Variants in PCDHA9 observed in about 807,000 individuals in gnomAD.
PCDHA9 encodes protocadherin alpha 9, also known as protocadherin alpha-9.
A neutral mutation model predicts 62.0 loss-of-function variants in PCDHA9; 62 were observed. The observed-to-expected ratio is 1.00, with a 90% CI of 0.81 to 1.23. The LOEUF is 1.23. Ranked by LOEUF, PCDHA9 falls within the 50% of genes most tolerant of loss-of-function variation. The pLI is 0.00. For synonymous variants in PCDHA9, 557 were observed against 567.6 expected (o/e 0.98, Z 0.27); for missense variants, 1,205 against 1,249.8 (o/e 0.96, Z 0.54).
intron 1 of PCDHA9, chr5:140,863,395 G>A: frequency 1.1e-6 from 1 of 921,404 alleles, no homozygotes; most frequent in Non-Finnish European, 1.7e-6. Flanking sequence ...GTGCATGCCG[G>A]GCAAGCCCAC....
intron 1 of PCDHA9, 119 bp from the exon 2 acceptor site, chr5:140,978,830 C>A: frequency 1.3e-6 from 2 of 1,535,340 alleles, no homozygotes; most frequent in Non-Finnish European, 1.8e-6. Context: ...TGAAATGGCT[C>A]ATTCAATACT....
At chr5:140,908,529 T>C (rs1250814293) in intron 1 of PCDHA9, among the ~76,000 whole-genome samples, 1 of 152,178 alleles carries the variant, frequency 6.6e-6, no homozygotes, top group Non-Finnish European at 1.5e-5. Flanking sequence ...AAATGTTCAG[T>C]TTCCACCAAA....
intron 1 of PCDHA9, chr5:140,882,487 C>G: frequency 6.2e-7 from 1 of 1,614,054 alleles, no homozygotes; most frequent in Non-Finnish European, 8.5e-7. Flanking sequence ...GACACGGGGA[C>G]CTTCTGGAGG....
chr5:140,928,860 G>T, intron 1 of PCDHA9: 8 of 1,614,154 alleles, frequency 5.0e-6, no homozygotes, highest in Non-Finnish European at 6.8e-6. Flanking sequence ...GTGTGCTGTT[G>T]AGCAACTCTG....
At chr5:140,873,835 A>G (rs917455135) in intron 1 of PCDHA9, among the ~76,000 whole-genome samples, 3 of 151,964 alleles carry the variant, frequency 2.0e-5, no homozygotes, top group Admixed American at 6.6e-5. Flanking sequence ...TAATTTTTGT[A>G]TTTTTAGTAG....
At chr5:140,998,548 T>A (rs904925148) in intron 3 of PCDHA9, among the ~76,000 whole-genome samples, 7 of 149,880 alleles carry the variant, frequency 4.7e-5, no homozygotes, top group African/African-American at 1.7e-4. Context: ...CCTAATTTAA[T>A]GTCTAATTTA....
chr5:140,892,658 A>G (rs1202553509), intron 1 of PCDHA9, among the ~76,000 whole-genome samples: 4 of 152,202 alleles, frequency 2.6e-5, no homozygotes, highest in African/African-American at 9.7e-5. Context: ...ATACAGAGTG[A>G]CATTTTGATA....
intron 1 of PCDHA9, chr5:140,852,486 C>A: frequency 4.8e-6 from 1 of 209,724 alleles, no homozygotes; most frequent in Non-Finnish European, 9.1e-6. Flanking sequence ...TCATGTTGGC[C>A]AGGTTGGTCT....
At chr5:140,851,277 A>G in intron 1 of PCDHA9, 1 of 1,055,352 alleles carries the variant, frequency 9.5e-7, no homozygotes, top group East Asian at 4.9e-5. Context: ...TGTATTGTTT[A>G]TAAGAAACCC....
At position 140,850,247 on chromosome 5, in the gene PCDHA9, G is replaced by T; in HGVS notation, c.1752G>T (p.Ser584=). Residue 584 remains serine, a synonymous_variant, in exon 1 of 4, where the codon TCG becomes TCT. Coordinates refer to ENST00000532602, the MANE Select transcript of PCDHA9 (RefSeq NM_031857.2). ...CAGTGAGCGAGATGGTGCTGCGGTC[G>T]GTGGGCGCCGGCGTAGTGGTGGGGA... is the stretch of plus-strand genomic sequence containing the variant. ...DGAVSEMVLR[S]VGAGVVVGKV... 10 of 1,593,682 alleles carry T rather than the reference G, an allele frequency of 6.3e-6. 1 individual carries two copies. Among genetic ancestry groups the T allele is most frequent in the Non-Finnish European group, 8.6e-6 (10 of 1,166,960 alleles).
intron 1 of PCDHA9, chr5:140,864,013 A>T: frequency 6.5e-6 from 1 of 153,164 alleles, no homozygotes; most frequent in South Asian, 2.1e-4. Flanking sequence ...AAAAAAAAGT[A>T]CATTGGAAGT....
At chr5:140,908,662 G>C (rs1489476593) in intron 1 of PCDHA9, among the ~76,000 whole-genome samples, 4 of 152,114 alleles carry the variant, frequency 2.6e-5, no homozygotes, top group Non-Finnish European at 4.4e-5. Context: ...CCTGCCAAAG[G>C]CTCCAAATAG....
chr5:140,968,500 C>T, intron 1 of PCDHA9: 2 of 1,614,222 alleles, frequency 1.2e-6, no homozygotes, highest in Middle Eastern at 1.6e-4. Context: ...ATGCCCCTCA[C>T]ATTCTGTACC....
rs552891884 is a variant in PCDHA9 at position 140,857,764 on chromosome 5, G to A, written c.2394+6875G>A. The A allele has an allele frequency of 3.8e-6, 6 of 1,597,520 alleles. 2 individuals carry two copies. In the African/African-American group the frequency reaches 5.4e-5, roughly 14 times the overall value. On this transcript the variant is annotated intron_variant, in intron 1 of 3. Coordinates refer to ENST00000532602, the MANE Select transcript of PCDHA9 (RefSeq NM_031857.2). ...TGCTGGCGTCTCCCGCTGGCAGCGC[G>A]GGCGGTGCAGTCAGTGAGCTGGTGC...
chr5:140,957,879 G>T (rs2095393633), intron 1 of PCDHA9, among the ~76,000 whole-genome samples: 1 of 151,960 alleles, frequency 6.6e-6, no homozygotes, highest in Non-Finnish European at 1.5e-5. Flanking sequence ...GTGCTGAAAA[G>T]CTGAAGTTGG....
chr5:140,897,885 C>G (rs1554187646), intron 1 of PCDHA9, among the ~76,000 whole-genome samples: 1 of 152,182 alleles, frequency 6.6e-6, no homozygotes, highest in Non-Finnish European at 1.5e-5. Context: ...GCCATTCTAA[C>G]TGGTGTGAGA....
chr5:140,874,010 T>C (rs1002287481), intron 1 of PCDHA9, among the ~76,000 whole-genome samples: 7 of 152,208 alleles, frequency 4.6e-5, no homozygotes, highest in Non-Finnish European at 8.8e-5. Context: ...TTGACCACTT[T>C]TGAAAATGAA....
chr5:140,887,258 T>G (rs934733001), intron 1 of PCDHA9, among the ~76,000 whole-genome samples: 4 of 151,924 alleles, frequency 2.6e-5, no homozygotes, highest in East Asian at 1.9e-4. Context: ...CACCACGCCC[T>G]GCTAATTTTT....
intron 3 of PCDHA9, among the ~76,000 whole-genome samples, chr5:140,999,046 T>C (rs2097844534): frequency 6.6e-6 from 1 of 152,228 alleles, no homozygotes; most frequent in South Asian, 2.1e-4. Flanking sequence ...CAGTGTGCTT[T>C]CCACCATGCC....
Sources: gnomAD v4.1 joint callset for allele counts (sites outside exome capture counted in the v4.1 genomes callset) on GRCh38, gnomAD v4.1.1 for gene constraint, MANE v1.5 for transcripts, NCBI Gene and HGNC (gene_info 2026-07-23, HGNC 2026-07-21) for gene names.